Variants in DLG2 observed in about 807,000 individuals in gnomAD.
DLG2 encodes discs large MAGUK scaffold protein 2.
In DLG2, 45 loss-of-function variants were observed where a neutral mutation model predicts 132.5. The observed-to-expected ratio is 0.34, with a 90% CI of 0.27 to 0.44. The LOEUF (loss-of-function observed/expected upper bound fraction) is 0.44. Among genes scored for constraint, DLG2 ranks in the 20% least tolerant of loss-of-function variants. The pLI is 1.00. For synonymous variants in DLG2, 424 were observed against 419.6 expected, an observed-to-expected ratio of 1.01 and a Z score of -0.13; for missense variants, 1,045 against 1,196.9, an observed-to-expected ratio of 0.87 and a Z score of 1.87.
chr11:85,071,149 C>G (rs2065808827), intron 6 of DLG2, among the ~76,000 whole-genome samples: 1 of 151,866 alleles, frequency 6.6e-6, no homozygotes, highest in Non-Finnish European at 1.5e-5. Flanking sequence ...AGAACACTGT[C>G]TAGCACATTA....
chr11:84,811,956 G>A (rs1401991828), intron 6 of DLG2, among the ~76,000 whole-genome samples: 2 of 152,076 alleles, frequency 1.3e-5, no homozygotes, highest in East Asian at 1.9e-4. Context: ...ACCCAGCCAG[G>A]CACAAGGGTG....
chr11:84,471,099 G>A (rs1448261853), intron 7 of DLG2, among the ~76,000 whole-genome samples: 1 of 151,540 alleles, frequency 6.6e-6, no homozygotes, highest in Non-Finnish European at 1.5e-5. Flanking sequence ...TCTTCACTGA[G>A]GGCCAAGAAC....
At chr11:84,938,739 T>C (rs780704225) in intron 6 of DLG2, among the ~76,000 whole-genome samples, 4 of 152,208 alleles carry the variant, frequency 2.6e-5, no homozygotes, top group Non-Finnish European at 5.9e-5. Flanking sequence ...GCAACCATGC[T>C]TTCTAATTTT....
intron 18 of DLG2, among the ~76,000 whole-genome samples, chr11:83,768,564 C>T (rs2094242830): frequency 6.6e-6 from 1 of 152,198 alleles, no homozygotes; most frequent in Non-Finnish European, 1.5e-5. Context: ...CTACCCTCTT[C>T]CCTCAATTGC....
At chr11:83,660,938 C>T (rs1247442608) in intron 18 of DLG2, among the ~76,000 whole-genome samples, 1 of 152,122 alleles carries the variant, frequency 6.6e-6, no homozygotes, top group African/African-American at 2.4e-5. Context: ...TATCAAGCAC[C>T]TGCTTAGTGT....
intron 19 of DLG2, among the ~76,000 whole-genome samples, chr11:83,569,307 A>G (rs973119687): frequency 1.3e-5 from 2 of 152,096 alleles, no homozygotes; most frequent in Non-Finnish European, 2.9e-5. Context: ...CTTTCTGACA[A>G]TTATGTCAGT....
intron 7 of DLG2, among the ~76,000 whole-genome samples, chr11:84,513,230 A>G (rs1365657598): frequency 6.6e-6 from 1 of 152,086 alleles, no homozygotes; most frequent in East Asian, 1.9e-4. Context: ...GATTAGAAGA[A>G]CCAATATTGT....
At chr11:85,440,908 A>G (rs952697230) in intron 3 of DLG2, among the ~76,000 whole-genome samples, 1 of 152,190 alleles carries the variant, frequency 6.6e-6, no homozygotes, top group African/African-American at 2.4e-5. Context: ...AATTAATAAG[A>G]TCTCAAATAG....
At chr11:83,917,276 A>G (rs975339882) in intron 15 of DLG2, among the ~76,000 whole-genome samples, 14 of 152,256 alleles carry the variant, frequency 9.2e-5, no homozygotes, top group African/African-American at 3.1e-4. Flanking sequence ...TTTGCTGAAT[A>G]GTTTTTGTTT....
intron 6 of DLG2, among the ~76,000 whole-genome samples, chr11:84,687,642 T>G (rs920436242): frequency 2.6e-5 from 4 of 152,220 alleles, no homozygotes; most frequent in Admixed American, 2.6e-4. Context: ...GTATTCAAAA[T>G]GTACAAGGTC....
At chr11:84,412,133 A>G (rs2098908830) in intron 7 of DLG2, among the ~76,000 whole-genome samples, 1 of 152,042 alleles carries the variant, frequency 6.6e-6, no homozygotes, top group Non-Finnish European at 1.5e-5. Context: ...GATAATGGCA[A>G]TAGTGATGGT....
intron 7 of DLG2, among the ~76,000 whole-genome samples, chr11:84,402,811 G>A (rs1195779718): frequency 6.9e-6 from 1 of 145,884 alleles, no homozygotes; most frequent in Non-Finnish European, 1.5e-5. Flanking sequence ...GAAGCCGGGA[G>A]GCGGAGCTTG....
Position 85,300,237 on chromosome 11 carries a change from C to T in DLG2, c.41-14872G>A, listed in dbSNP as rs553926364. On this transcript the variant is annotated intron_variant, in intron 3 of 27. Coordinates refer to ENST00000376104, the MANE Select transcript of DLG2 (RefSeq NM_001142699.3). ...GGAAGAGATATTTGATAAATGGGAG[C>T]AACAAAACAAAATGTGTATTAGCAC... 3.9e-5 allele frequency among the ~76,000 whole-genome samples: 6 copies of T among 152,162 alleles called. No individual in the cohort carries two copies. The South Asian group carries it at 1.2e-3, about 32-fold the overall frequency.
chr11:85,203,665 G>T (rs2081632652), intron 4 of DLG2, among the ~76,000 whole-genome samples: 1 of 151,982 alleles, frequency 6.6e-6, no homozygotes, highest in South Asian at 2.1e-4. Flanking sequence ...ACATTGAAAA[G>T]AAAATACTTC....
At chr11:84,502,527 C>G (rs1467182329) in intron 7 of DLG2, among the ~76,000 whole-genome samples, 3 of 150,808 alleles carry the variant, frequency 2.0e-5, no homozygotes, top group African/African-American at 7.3e-5. Context: ...TCCCAAGTAG[C>G]TGGGACTACA....
chr11:84,093,645 C>G (rs1006506806), intron 10 of DLG2, among the ~76,000 whole-genome samples: 1 of 151,796 alleles, frequency 6.6e-6, no homozygotes, highest in African/African-American at 2.4e-5. Context: ...GATGGGGTCT[C>G]GCTCTGTTGC....
chr11:83,899,662 CT>C (rs1299055133), intron 15 of DLG2, among the ~76,000 whole-genome samples: 3 of 142,590 alleles, frequency 2.1e-5, no homozygotes, highest in Admixed American at 1.4e-4. Context: ...TGCCTTTCAC[CT>C]TCTGCCATGA....
At chr11:85,018,940 A>T (rs1465259270) in intron 6 of DLG2, among the ~76,000 whole-genome samples, 1 of 152,184 alleles carries the variant, frequency 6.6e-6, no homozygotes, top group African/African-American at 2.4e-5. Flanking sequence ...TTTCTAGAGG[A>T]TGCATTTGAC....
intron 8 of DLG2, among the ~76,000 whole-genome samples, chr11:84,191,811 G>A (rs1287055621): frequency 1.3e-5 from 2 of 152,040 alleles, no homozygotes; most frequent in Non-Finnish European, 2.9e-5. Context: ...GTGGTAGGGA[G>A]AACTGTGGAC....
Sources: gnomAD v4.1 joint callset for allele counts (sites outside exome capture counted in the v4.1 genomes callset) on GRCh38, gnomAD v4.1.1 for gene constraint, MANE v1.5 for transcripts, NCBI Gene and HGNC (gene_info 2026-07-23, HGNC 2026-07-21) for gene names.